Variants in NGEF observed in about 807,000 individuals in gnomAD.
The protein encoded by NGEF is ephexin-1.
In NGEF, 31 loss-of-function variants were observed where a neutral mutation model predicts 80.9. The observed-to-expected ratio is 0.38, with a 90% CI of 0.29 to 0.52. The LOEUF is 0.52. Ranked by LOEUF, NGEF falls within the 20% of genes least tolerant of loss-of-function variation. The pLI is 0.84. For synonymous variants in NGEF, 371 were observed against 370.2 expected (o/e 1.00, Z -0.03); for missense variants, 709 against 926.2 (o/e 0.77, Z 3.04).
chr2:232,883,790 CTG>C (rs1188760112), intron 11 of NGEF, among the ~76,000 whole-genome samples, 189 bp downstream of exon 11: 1 of 152,234 alleles, frequency 6.6e-6, no homozygotes, highest in African/African-American at 2.4e-5. Context: ...GGAAGGGAAA[CTG>C]AGGCTTAGGA....
intron 3 of NGEF, among the ~76,000 whole-genome samples, chr2:232,964,855 A>G (rs1694024661): frequency 6.6e-6 from 1 of 152,218 alleles, no homozygotes; most frequent in African/African-American, 2.4e-5. Context: ...GATAGATGTT[A>G]GAAGATGGTT....
Position 232,888,112 on chromosome 2 carries a change from GCA to G in NGEF, c.1273-7_1273-6del. 6.3e-7 allele frequency: 1 copy of G among 1,582,592 alleles called. No individual in the cohort carries two copies. The highest frequency in any genetic ancestry group is 2.2e-5 in the East Asian group (1 of 44,532). On this transcript the variant is annotated splice_polypyrimidine_tract_variant and splice_region_variant and intron_variant, in intron 8 of 14. Coordinates refer to ENST00000264051, the MANE Select transcript of NGEF (RefSeq NM_019850.3). ...TTCTACCCTCTTCAGGATGTTCTAT[GCA>G]CAGAGAAAGGCTGCGTTAACTTTAA...
In NGEF at chr2:232,892,366, C is replaced by T. The variant is rs1691911243; in HGVS notation, c.1142+532G>A. Among the ~76,000 whole-genome samples, 1 of 152,172 alleles carries T rather than the reference C, an allele frequency of 6.6e-6. No individual in the cohort carries two copies. The highest frequency in any genetic ancestry group is 6.5e-5 in the Admixed American group (1 of 15,288). On this transcript the variant is annotated intron_variant, in intron 7 of 14. Coordinates refer to ENST00000264051, the MANE Select transcript of NGEF (RefSeq NM_019850.3). The surrounding 1 kb of genome is among the most constrained non-coding windows in gnomAD (Gnocchi z 4.0). ...TAACCCCAGGCACTGAAGTGCGAAC[C>T]TCAGTGCGCAGAATTCAGAAGAGGC... is the stretch of plus-strand genomic sequence containing the variant.
chr2:232,889,139 G>A (rs1691798635), intron 8 of NGEF, among the ~76,000 whole-genome samples: 1 of 152,114 alleles, frequency 6.6e-6, no homozygotes, highest in Admixed American at 6.5e-5. Flanking sequence ...CCACCTTCCT[G>A]CTTTTTCCAT....
rs1013688347 is a variant in NGEF at position 232,884,371 on chromosome 2, G to A, written c.1438-227C>T. Among the ~76,000 whole-genome samples, 11 of 152,350 alleles carry A rather than the reference G, an allele frequency of 7.2e-5. No individual in the cohort carries two copies. In the Middle Eastern group the frequency reaches 0.01, roughly 141 times the overall value. ...GTGGGCATGAGTGTGCTATGCGTGT[G>A]TGTGCTGTGCATGTGGACTTCTATG... is the stretch of plus-strand genomic sequence containing the variant. On this transcript the variant is annotated intron_variant, in intron 10 of 14. Coordinates refer to ENST00000264051, the MANE Select transcript of NGEF (RefSeq NM_019850.3).
At chr2:232,936,398 G>A (rs1693323815) in intron 3 of NGEF, among the ~76,000 whole-genome samples, 1 of 152,224 alleles carries the variant, frequency 6.6e-6, no homozygotes, top group African/African-American at 2.4e-5. Context: ...AGGCTCTTAG[G>A]AGGTGCTCTC....
At chr2:232,910,322 G>A (rs189168275) in intron 5 of NGEF, among the ~76,000 whole-genome samples, 396 of 152,098 alleles carry the variant, frequency 2.6e-3, no homozygotes, top group African/African-American at 8.4e-3. Context: ...CACAAGGAGC[G>A]CACAACCTAG....
chr2:232,976,111 G>T (rs1242810855), intron 1 of NGEF, among the ~76,000 whole-genome samples: 1 of 152,164 alleles, frequency 6.6e-6, no homozygotes, highest in Admixed American at 6.5e-5. Context: ...TGAGGCAGGA[G>T]AATCGCTTGA....
chr2:232,924,815 C>T (rs148123083), intron 4 of NGEF, among the ~76,000 whole-genome samples: 16 of 152,312 alleles, frequency 1.1e-4, no homozygotes, highest in Admixed American at 7.8e-4. Context: ...ATACAAGTAA[C>T]CTTAGAGTCT....
At chr2:232,905,471 G>A (rs918727331) in intron 5 of NGEF, among the ~76,000 whole-genome samples, 4 of 152,202 alleles carry the variant, frequency 2.6e-5, no homozygotes, top group Non-Finnish European at 4.4e-5. Context: ...CCTCCCAGCC[G>A]CCTGTCTTGG....
intron 1 of NGEF, among the ~76,000 whole-genome samples, chr2:232,978,430 G>A (rs2106326272): frequency 6.6e-6 from 1 of 152,258 alleles, no homozygotes; most frequent in Non-Finnish European, 1.5e-5. Flanking sequence ...CAGGAGAATC[G>A]CTTGAAACGG....
chr2:232,972,397 C>T (rs1694211957), intron 2 of NGEF, among the ~76,000 whole-genome samples: 1 of 152,124 alleles, frequency 6.6e-6, no homozygotes, highest in African/African-American at 2.4e-5. Context: ...TAATTTCACC[C>T]ATTTATTTGT....
intron 9 of NGEF, among the ~76,000 whole-genome samples, chr2:232,886,166 T>G (rs13004071): frequency 2.9e-4 from 22 of 74,780 alleles, no homozygotes; most frequent in Admixed American, 5.2e-4. Context: ...CGGTGTGTAC[T>G]GTGTGTGATA....
At chr2:232,967,851 A>G (rs1694097890) in intron 3 of NGEF, among the ~76,000 whole-genome samples, 1 of 152,054 alleles carries the variant, frequency 6.6e-6, no homozygotes, top group Non-Finnish European at 1.5e-5. Context: ...CAGGGGATAC[A>G]GTTTCCCTGT....
chr2:232,948,403 T>A (rs183043892), intron 3 of NGEF, among the ~76,000 whole-genome samples: 89 of 152,156 alleles, frequency 5.8e-4, no homozygotes, highest in Middle Eastern at 3.4e-3. Flanking sequence ...TTAAGTGTGA[T>A]AATGGCACTG....
intron 13 of NGEF, among the ~76,000 whole-genome samples, chr2:232,881,942 C>T (rs1036846924): frequency 6.6e-6 from 1 of 152,366 alleles, no homozygotes; most frequent in Admixed American, 6.5e-5. Context: ...GGTCCAAATT[C>T]TTCCTGGTGA....
At position 232,924,302 on chromosome 2, in the gene NGEF, G is replaced by A. The variant is rs146189499; in HGVS notation, c.526+2742C>T. On this transcript the variant is annotated intron_variant, in intron 4 of 14. Transcript: ENST00000264051. ...GGAAGGCAGCCGCCTGGCCCCTTCC[G>A]TCCTGTGAGGATGCACCAAAGGATG... 4.3e-4 allele frequency among the ~76,000 whole-genome samples: 65 copies of A among 152,218 alleles called. 1 individual carries two copies. In the East Asian group the frequency reaches 5.2e-3, roughly 12 times the overall value.
Position 232,888,078 on chromosome 2 carries a change from A to G in NGEF, c.1302T>C (p.Ser434=), listed in dbSNP as rs1691750499. The G allele has an allele frequency of 6.2e-7, 1 of 1,612,420 alleles. No homozygotes were observed. The highest frequency in any genetic ancestry group is 1.3e-5 in the African/African-American group (1 of 74,796). ...CATCCAAAGCAGTGCACTCCCGCTC[A>G]GACCTCTCTTCTACCCTCTTCAGGA... ...QNILKRVEER[S]ERECTALDAH... is the part of the protein sequence containing the mutation. The change falls in exon 9 of 15, where the codon TCT becomes TCC. Residue 434 remains serine (S), a synonymous_variant. Transcript: ENST00000264051.
At position 232,974,609 on chromosome 2, in the gene NGEF, T is replaced by C. The variant is rs1334785562; in HGVS notation, c.268+14A>G. 1.9e-6 allele frequency: 3 copies of C among 1,611,922 alleles called. No homozygotes were observed. The highest frequency in any genetic ancestry group is 2.5e-6 in the Non-Finnish European group (3 of 1,179,164). ...TGTAAGGGAACAGCCGTGACAGCTG[T>C]CCCTGATACTGACCTGCCAGGCAGC... On this transcript the variant is annotated intron_variant, in intron 2 of 14. Coordinates refer to ENST00000264051, the MANE Select transcript of NGEF (RefSeq NM_019850.3).
Sources: allele counts gnomAD v4.1 joint callset (sites outside exome capture counted in the v4.1 genomes callset), GRCh38; gene constraint gnomAD v4.1.1; non-coding constraint Gnocchi (gnomAD v3.1); transcripts MANE v1.5; gene names NCBI Gene and HGNC (gene_info 2026-07-23, HGNC 2026-07-21).